RPS6KC1: variants seen among roughly 807,000 people sequenced by gnomAD.
The protein encoded by RPS6KC1 is inactive ribosomal protein S6 kinase delta-1.
Under a neutral mutation model 103.8 loss-of-function variants are expected in RPS6KC1, and 54 were observed. That is an observed-to-expected ratio of 0.52 (90% CI 0.42 to 0.65). The LOEUF is 0.65. RPS6KC1 is among the 30% of genes least tolerant of loss of function. The probability of loss-of-function intolerance (pLI) is 0.00; values close to 1 mark genes in which losing one functional copy is unlikely to be tolerated. For missense variants in RPS6KC1, 1,151 were observed against 1,253.8 expected (o/e 0.92, Z 1.24); for synonymous variants, 439 against 438.7 (o/e 1.00, Z -0.01).
chr1:213,122,992 G>T (rs1361323806), intron 5 of RPS6KC1, among the ~76,000 whole-genome samples: 1 of 152,056 alleles, frequency 6.6e-6, no homozygotes, highest in Non-Finnish European at 1.5e-5. Context: ...GGAGTTTAGG[G>T]GTTGGGTGGG....
In RPS6KC1 at chr1:213,273,663, G is replaced by A. The variant is rs576245751; in HGVS notation, c.*1029G>A. The A allele has an allele frequency of 6.6e-6, 1 of 152,508 alleles. No homozygotes were observed. The highest frequency in any genetic ancestry group is 2.4e-5 in the African/African-American group (1 of 41,552). 9.4% of individuals were successfully genotyped at this position (152,508 alleles called of 1,614,324 possible). ...TGGCAGTCCTAGTTTGTTACTTATG[G>A]TGATGAGATTTTCAGATTTGAACTA... On this transcript the variant is annotated 3_prime_UTR_variant, in exon 15 of 15. Transcript: ENST00000366960.
intron 4 of RPS6KC1, among the ~76,000 whole-genome samples, chr1:213,107,600 A>G (rs1333969286): frequency 6.6e-6 from 1 of 152,194 alleles, no homozygotes; most frequent in East Asian, 1.9e-4. Context: ...GTTATGACTA[A>G]TGCTGCTGTG....
At chr1:213,680,325 G>A in the RPS6KC1 span, among the ~76,000 whole-genome samples, 5 of 152,166 alleles carry the variant, frequency 3.3e-5, no homozygotes, top group Non-Finnish European at 7.3e-5. Flanking sequence ...TGAATCAGTC[G>A]ATATCCCTCT....
At position 213,241,505 on chromosome 1, in the gene RPS6KC1, G is replaced by A; in HGVS notation, c.2029G>A (p.Ala677Thr). 1 of 1,613,938 alleles carries A rather than the reference G, an allele frequency of 6.2e-7. No homozygotes were observed. Among genetic ancestry groups the A allele is most frequent in the African/African-American group, 1.3e-5 (1 of 75,012 alleles). The change falls in exon 11 of 15, where the codon GCT becomes ACT. Residue 677 changes from alanine to threonine, a missense_variant. Transcript: ENST00000366960. ...SVPVISFKDA[A>T]FDDVSGTDEG... ...GCCAGTTATTTCATTTAAAGATGCT[G>A]CTTTTGATGATGTCAGTGGTACTGA...
At chr1:213,606,049 C>T in the RPS6KC1 span, among the ~76,000 whole-genome samples, 7 of 152,330 alleles carry the variant, frequency 4.6e-5, no homozygotes, top group African/African-American at 1.7e-4. Context: ...AGGACGGTGG[C>T]AGCGCCCCTT....
chr1:213,578,096 G>A, the RPS6KC1 span, among the ~76,000 whole-genome samples: 2 of 152,242 alleles, frequency 1.3e-5, no homozygotes, highest in Non-Finnish European at 1.5e-5. Context: ...GGTGCCCTGT[G>A]TCCCAGCCAT....
chr1:213,289,072 C>G, the RPS6KC1 span, among the ~76,000 whole-genome samples: 4 of 152,130 alleles, frequency 2.6e-5, no homozygotes, highest in African/African-American at 4.8e-5. Flanking sequence ...GTTCCTCAGG[C>G]GCCCCCAGCC....
At chr1:213,819,465 G>A in the RPS6KC1 span, 1 of 152,180 alleles carries the variant, frequency 6.6e-6, no homozygotes, top group Admixed American at 6.5e-5. Context: ...TGGGGCCCAG[G>A]AATCTGAAGG....
chr1:213,554,983 A>AT, the RPS6KC1 span, among the ~76,000 whole-genome samples: 1 of 152,192 alleles, frequency 6.6e-6, no homozygotes, highest in East Asian at 1.9e-4. Context: ...CAAGGATAGA[A>AT]TTTTTTAAAG....
At chr1:213,616,013 G>A in the RPS6KC1 span, among the ~76,000 whole-genome samples, 4 of 152,216 alleles carry the variant, frequency 2.6e-5, no homozygotes, top group Non-Finnish European at 5.9e-5. Context: ...CCCTCATGGG[G>A]CAAGTGCTTG....
the RPS6KC1 span, among the ~76,000 whole-genome samples, chr1:213,363,251 C>CTTTCTTTCT: frequency 0.019 from 2,970 of 152,322 alleles, 144 homozygotes; most frequent in East Asian, 0.19. Context: ...TCTGACTTCA[C>CTTTCTTTCT]TTTCTTTATA....
At chr1:213,380,922 G>A in the RPS6KC1 span, among the ~76,000 whole-genome samples, 49,442 of 151,966 alleles carry the variant, frequency 0.33, 9,269 homozygotes, top group African/African-American at 0.53. Context: ...GTGCCGTGGG[G>A]TCTTAGGGAA....
intron 14 of RPS6KC1, among the ~76,000 whole-genome samples, chr1:213,269,707 G>GA (rs2094996717): frequency 6.6e-6 from 1 of 151,668 alleles, no homozygotes; most frequent in African/African-American, 2.4e-5. Context: ...GCCTATATCA[G>GA]AAAAAAAGGG....
In RPS6KC1 at chr1:213,117,404, A is replaced by T; in HGVS notation, c.466A>T (p.Thr156Ser). 2 of 1,592,930 alleles carry T rather than the reference A, an allele frequency of 1.3e-6. No homozygotes were observed. The highest frequency in any genetic ancestry group is 8.6e-7 in the Non-Finnish European group (1 of 1,163,550). ...SLIDTFPECS[T>S]EGFSSDSDLV... Reference sequence around the variant, plus strand: ...CATTGATACCTTTCCTGAGTGTAGTACGGAAGGTAAGAGATTTTAATTTTT... The same window carrying T: ...CATTGATACCTTTCCTGAGTGTAGTTCGGAAGGTAAGAGATTTTAATTTTT... Residue 156 changes from threonine (T) to serine (S), a missense_variant, in exon 5 of 15, where the codon ACG (threonine) becomes TCG (serine). Thr to Ser is a moderately conservative substitution (Grantham distance 58, BLOSUM62 1). This residue lies in a region of RPS6KC1 where 959 missense variants were observed against 1,006.3 expected (regional missense o/e 0.95). Coordinates refer to ENST00000366960, the MANE Select transcript of RPS6KC1 (RefSeq NM_012424.6).
chr1:213,345,961 T>C, the RPS6KC1 span, among the ~76,000 whole-genome samples: 5 of 152,244 alleles, frequency 3.3e-5, no homozygotes, highest in African/African-American at 1.2e-4. Context: ...TTAAATAAGC[T>C]TTTTATTGTG....
At chr1:213,568,044 G>A in the RPS6KC1 span, among the ~76,000 whole-genome samples, 3 of 152,194 alleles carry the variant, frequency 2.0e-5, no homozygotes, top group Non-Finnish European at 2.9e-5. Flanking sequence ...ACTCCCAAGT[G>A]ACACTTTGAT....
chr1:213,072,783 C>T (rs190615675), intron 2 of RPS6KC1: 2 of 168,236 alleles, frequency 1.2e-5, no homozygotes, highest in Admixed American at 1.3e-4. Context: ...GTTTACAACT[C>T]TTAAAATTGA....
At chr1:213,436,483 T>A in the RPS6KC1 span, among the ~76,000 whole-genome samples, 5 of 152,220 alleles carry the variant, frequency 3.3e-5, no homozygotes, top group Non-Finnish European at 5.9e-5. Context: ...CCAGGTGTGT[T>A]GTTTATCCTT....
chr1:213,262,727 G>C lies in RPS6KC1; in HGVS notation c.3001G>C (p.Val1001Leu). 6.2e-7 allele frequency: 1 copy of C among 1,603,762 alleles called. No individual in the cohort carries two copies. The highest frequency in any genetic ancestry group is 1.3e-5 in the African/African-American group (1 of 74,778). Residue 1001 changes from valine (V) to leucine (L), a missense_variant, in exon 14 of 15, where the codon GTT (valine) becomes CTT (leucine). This residue lies in a region of RPS6KC1 where 189 missense variants were observed against 228.8 expected (regional missense o/e 0.83). Transcript: ENST00000366960. ...LFELLTGKTL[V>L]ECHPAGINTH... ...ACCTGATTGATTGTTTCAGACTCTGGTTGAATGCCATCCAGCAGGAATAAA... is the reference window on the plus strand; with the variant it reads ...ACCTGATTGATTGTTTCAGACTCTGCTTGAATGCCATCCAGCAGGAATAAA...
Sources: gnomAD v4.1 joint callset for allele counts (sites outside exome capture counted in the v4.1 genomes callset) on GRCh38, gnomAD v4.1.1 for gene constraint, gnomAD v4.1.1 regional missense constraint, MANE v1.5 for transcripts, NCBI Gene and HGNC (gene_info 2026-07-23, HGNC 2026-07-21) for gene names.